VDAC1: variants seen among roughly 807,000 people sequenced by gnomAD.
VDAC1 encodes the protein non-selective voltage-gated ion channel VDAC1.
Under a neutral mutation model 34.7 loss-of-function variants are expected in VDAC1, and 10 were observed. The observed-to-expected ratio is 0.29, with a 90% CI of 0.18 to 0.49. The LOEUF is 0.49. Among genes scored for constraint, VDAC1 ranks in the 20% least tolerant of loss-of-function variants. The pLI, the probability that VDAC1 is intolerant of heterozygous loss-of-function variation, is 0.99. For missense variants in VDAC1, 230 were observed against 347.9 expected, an observed-to-expected ratio of 0.66 and a Z score of 2.69; for synonymous variants, 130 against 136.0, an observed-to-expected ratio of 0.96 and a Z score of 0.30.
chr5:134,068,334 G>GTTT, the VDAC1 span, among the ~76,000 whole-genome samples: 13 of 144,084 alleles, frequency 9.0e-5, no homozygotes, highest in African/African-American at 2.5e-4. Flanking sequence ...ACTCCTATCA[G>GTTT]TTTTTTTTTT....
the VDAC1 span, among the ~76,000 whole-genome samples, chr5:134,084,104 A>G: frequency 6.6e-6 from 1 of 152,222 alleles, no homozygotes; most frequent in Non-Finnish European, 1.5e-5. Flanking sequence ...ATTAAATAAG[A>G]AAATGCATGT....
the VDAC1 span, among the ~76,000 whole-genome samples, chr5:134,061,661 C>T: frequency 3.3e-5 from 5 of 151,914 alleles, no homozygotes; most frequent in East Asian, 9.6e-4. Context: ...GCGAGAGCCA[C>T]TGCACACAGC....
chr5:134,042,167 C>G, the VDAC1 span, among the ~76,000 whole-genome samples: 1 of 152,184 alleles, frequency 6.6e-6, no homozygotes, highest in East Asian at 1.9e-4. Context: ...GTCTACTGAC[C>G]AGGCACTGAT....
the VDAC1 span, among the ~76,000 whole-genome samples, chr5:134,032,124 C>CAAAAAAAAAAAAAAAAAAAAAAAA: frequency 1.2e-3 from 44 of 36,124 alleles, 3 homozygotes; most frequent in East Asian, 2.0e-3. Context: ...CTCTGCCTCA[C>CAAAAAAAAAAAAAAAAAAAAAAAA]AAAAAAAAAA....
At chr5:134,033,051 GGAGGA>G in the VDAC1 span, among the ~76,000 whole-genome samples, 638 of 151,608 alleles carry the variant, frequency 4.2e-3, 6 homozygotes, top group African/African-American at 0.015. Flanking sequence ...GGACGGGAAG[GGAGGA>G]GAGGAGAGGA....
intron 1 of VDAC1, among the ~76,000 whole-genome samples, chr5:134,004,102 G>A (rs921664305): frequency 6.6e-6 from 1 of 152,232 alleles, no homozygotes; most frequent in African/African-American, 2.4e-5. Context: ...CAGGCGGGCG[G>A]TGCCGGGCGC....
chr5:133,994,954 G>A (rs1364867927), intron 1 of VDAC1, among the ~76,000 whole-genome samples: 1 of 152,162 alleles, frequency 6.6e-6, no homozygotes, highest in African/African-American at 2.4e-5. Flanking sequence ...TGACCCCACA[G>A]AAGAGACGCC....
chr5:134,016,901 G>A, the VDAC1 span, among the ~76,000 whole-genome samples: 9 of 152,192 alleles, frequency 5.9e-5, no homozygotes, highest in Admixed American at 5.2e-4. Context: ...GACTTGCAAA[G>A]CTTGGATCCT....
At chr5:133,992,206 A>G (rs1753129206) in intron 3 of VDAC1, 100 bp downstream of exon 3, 2 of 900,154 alleles carry the variant, frequency 2.2e-6, no homozygotes, top group African/African-American at 1.8e-5. Flanking sequence ...ATTGTACTCC[A>G]GCCTGGGCGA....
intron 5 of VDAC1, among the ~76,000 whole-genome samples, chr5:133,986,586 AG>A (rs1490440487): frequency 1.3e-5 from 2 of 149,912 alleles, no homozygotes; most frequent in Non-Finnish European, 2.9e-5. Context: ...TAGTAAAGAC[AG>A]GGTTTTGCCA....
upstream of VDAC1, among the ~76,000 whole-genome samples, chr5:134,006,426 G>A (rs1055053763): frequency 1.3e-5 from 2 of 152,026 alleles, no homozygotes; most frequent in Admixed American, 6.6e-5. Context: ...CCCCTCCAGC[G>A]CCACCTCTCA....
At chr5:134,067,735 A>C in the VDAC1 span, among the ~76,000 whole-genome samples, 4 of 151,858 alleles carry the variant, frequency 2.6e-5, no homozygotes, top group African/African-American at 9.7e-5. Context: ...AAGGAGACAG[A>C]AATTACTCTT....
At chr5:134,076,704 A>G in the VDAC1 span, among the ~76,000 whole-genome samples, 17 of 152,132 alleles carry the variant, frequency 1.1e-4, no homozygotes, top group South Asian at 4.1e-4. Flanking sequence ...GGCTGTGTGC[A>G]TCTAGTTGTA....
At chr5:134,000,050 A>G (rs1347640904) in intron 1 of VDAC1, among the ~76,000 whole-genome samples, 1 of 152,096 alleles carries the variant, frequency 6.6e-6, no homozygotes, top group African/African-American at 2.4e-5. Context: ...GCAGAAGGCA[A>G]CCCTAGCTCT....
chr5:134,106,770 A>G, the VDAC1 span, among the ~76,000 whole-genome samples: 3 of 152,284 alleles, frequency 2.0e-5, no homozygotes, highest in East Asian at 5.8e-4. Flanking sequence ...TGACTTACGA[A>G]CCAAAAAAGG....
chr5:134,049,369 C>G, the VDAC1 span, among the ~76,000 whole-genome samples: 1 of 152,210 alleles, frequency 6.6e-6, no homozygotes, highest in Non-Finnish European at 1.5e-5. Context: ...GCTGGAATGA[C>G]AGGTGTGAGC....
chr5:134,009,643 C>G (rs1753802173), upstream of VDAC1, among the ~76,000 whole-genome samples: 1 of 151,874 alleles, frequency 6.6e-6, no homozygotes, highest in Admixed American at 6.6e-5. Context: ...TCCTTTGGCT[C>G]TTTTTACATT....
the VDAC1 span, among the ~76,000 whole-genome samples, chr5:134,085,470 C>T: frequency 8.5e-5 from 13 of 152,156 alleles, no homozygotes; most frequent in South Asian, 1.7e-3. Context: ...TATGGGACCT[C>T]CTCCAGAAGC....
At chr5:134,073,852 G>A in the VDAC1 span, among the ~76,000 whole-genome samples, 1 of 152,018 alleles carries the variant, frequency 6.6e-6, no homozygotes, top group Non-Finnish European at 1.5e-5. Context: ...AATTATTTTT[G>A]TATCTACATA....
Sources: allele counts gnomAD v4.1 joint callset (sites outside exome capture counted in the v4.1 genomes callset), GRCh38; gene constraint gnomAD v4.1.1; transcripts MANE v1.5; gene names NCBI Gene and HGNC (gene_info 2026-07-23, HGNC 2026-07-21).